The following TSPAN13 variants were observed in gnomAD, a reference collection of about 807,000 sequenced individuals.
TSPAN13 encodes the protein tetraspanin-13.
TSPAN13 carries 18 observed loss-of-function variants against 26.9 expected under a neutral mutation model. That is an observed-to-expected ratio of 0.67 (90% CI 0.46 to 0.99). The LOEUF is 0.99. Among genes scored for constraint, TSPAN13 ranks in the 50% least tolerant of loss-of-function variants. The pLI, the probability that TSPAN13 is intolerant of heterozygous loss-of-function variation, is 0.00. For synonymous variants in TSPAN13, 116 were observed against 98.4 expected (o/e 1.18, Z -1.06); for missense variants, 201 against 249.6 (o/e 0.81, Z 1.31).
intron 1 of TSPAN13, among the ~76,000 whole-genome samples, chr7:16,755,796 A>G (rs1463887539): frequency 1.3e-5 from 2 of 152,128 alleles, no homozygotes; most frequent in Non-Finnish European, 2.9e-5. Flanking sequence ...CTTTCTAGAC[A>G]TCATTTTTAG....
At chr7:16,777,764 A>T (rs903503658) in intron 3 of TSPAN13, 34 bp from the exon 4 acceptor site, 3 of 1,528,608 alleles carry the variant, frequency 2.0e-6, no homozygotes, top group Admixed American at 3.4e-5. Flanking sequence ...TTCTGCAGGG[A>T]TGACACATTT....
chr7:16,783,249 G>A (rs1485652787), intron 5 of TSPAN13, among the ~76,000 whole-genome samples, 168 bp from the exon 6 acceptor site: 3 of 151,916 alleles, frequency 2.0e-5, no homozygotes, highest in Non-Finnish European at 2.9e-5. Context: ...TTTTCTCAGC[G>A]CCCGTCATTT....
chr7:16,779,916 C>T (rs1447379448), intron 5 of TSPAN13, among the ~76,000 whole-genome samples: 5 of 151,462 alleles, frequency 3.3e-5, no homozygotes, highest in East Asian at 1.9e-4. Context: ...GGACTACAGG[C>T]GCCCGCCACC....
rs1784771186 is a variant in TSPAN13, at chr7:16,777,883, G to A, written c.398G>A (p.Ser133Asn). 1.2e-6 allele frequency: 2 copies of A among 1,613,372 alleles called. No individual in the cohort carries two copies. Among genetic ancestry groups the A allele is most frequent in the African/African-American group, 1.3e-5 (1 of 74,906 alleles). Reference sequence around the variant, plus strand: ...AATCTAAACTGCTGTGGGTTCCGAAGTGTTAACCCAAATGACACCTGTCTG... The same window carrying A: ...AATCTAAACTGCTGTGGGTTCCGAAATGTTAACCCAAATGACACCTGTCTG... The part of the protein sequence containing the change: ...QRNLNCCGFR[S>N]VNPNDTCLAS... The change falls in exon 4 of 6, where the codon AGT becomes AAT. Residue 133 changes from serine (S) to asparagine (N), a missense_variant. Ser to Asn is a conservative substitution (Grantham distance 46). Transcript: ENST00000262067.
intron 1 of TSPAN13, among the ~76,000 whole-genome samples, chr7:16,764,108 G>T (rs1460499638): frequency 6.6e-6 from 1 of 151,986 alleles, no homozygotes; most frequent in Non-Finnish European, 1.5e-5. Context: ...ACCTCTGCCT[G>T]TCGGGTTCAA....
intron 4 of TSPAN13, 98 bp downstream of exon 4, chr7:16,778,009 C>T: frequency 1.2e-6 from 1 of 860,230 alleles, no homozygotes; most frequent in Non-Finnish European, 1.8e-6. Context: ...ATTGTATTTT[C>T]AGGATTATTT....
intron 1 of TSPAN13, among the ~76,000 whole-genome samples, chr7:16,769,452 C>T (rs1210694838): frequency 6.6e-6 from 1 of 152,180 alleles, no homozygotes; most frequent in African/African-American, 2.4e-5. Context: ...GGTCTTCTTT[C>T]ATGTTCTTCA....
chr7:16,765,154 G>A (rs1784591778), intron 1 of TSPAN13, among the ~76,000 whole-genome samples: 2 of 152,008 alleles, frequency 1.3e-5, no homozygotes, highest in Non-Finnish European at 2.9e-5. Context: ...CCAGGCTGGA[G>A]TGCAGTGGCA....
intron 4 of TSPAN13, 24 bp from the exon 5 acceptor site, chr7:16,778,979 G>C (rs765042395): frequency 1.3e-6 from 2 of 1,526,562 alleles, no homozygotes; most frequent in African/African-American, 2.8e-5. Flanking sequence ...TGAAATAAAG[G>C]TTTTTTTACT....
At chr7:16,754,213 C>G (rs1268964629) in intron 1 of TSPAN13, among the ~76,000 whole-genome samples, 183 bp downstream of exon 1, 2 of 152,194 alleles carry the variant, frequency 1.3e-5, no homozygotes, top group Admixed American at 6.5e-5. Flanking sequence ...CGGCGCTTGT[C>G]GCAGTCTCTT....
Position 16,753,781 on chromosome 7 carries a change from T to A in TSPAN13, c.-187T>A, listed in dbSNP as rs1216680290. The A allele has an allele frequency of 2.0e-6, 1 of 493,066 alleles. No individual in the cohort carries two copies. Among genetic ancestry groups the A allele is most frequent in the Non-Finnish European group, 3.5e-6 (1 of 287,844 alleles). 30.5% of individuals were successfully genotyped at this position (493,066 alleles called of 1,614,324 possible). On this transcript the variant is annotated 5_prime_UTR_variant, in exon 1 of 6. Transcript: ENST00000262067. ...CGGCTCAGCTGCGGCGGCCGCAGGT[T>A]CCAAAGCGGGTCCGAGCCGCCGCCG...
chr7:16,762,436 G>A (rs1149520), intron 1 of TSPAN13, among the ~76,000 whole-genome samples: 2,230 of 152,242 alleles, frequency 0.015, 62 homozygotes, highest in African/African-American at 0.051. Context: ...GAGGAATGGT[G>A]GCTAATGAAT....
intron 1 of TSPAN13, among the ~76,000 whole-genome samples, chr7:16,774,774 T>C (rs697528): frequency 0.89 from 136,086 of 152,174 alleles, 61,063 homozygotes; most frequent in East Asian, 1. Context: ...CCCACCAAGT[T>C]CATATAACTC....
chr7:16,758,688 G>A (rs1398442711), intron 1 of TSPAN13, among the ~76,000 whole-genome samples: 1 of 151,884 alleles, frequency 6.6e-6, no homozygotes, highest in Non-Finnish European at 1.5e-5. Context: ...TTAAAAAGTA[G>A]TAATATTAAG....
chr7:16,768,423 G>T (rs1784633813), intron 1 of TSPAN13, among the ~76,000 whole-genome samples: 1 of 152,128 alleles, frequency 6.6e-6, no homozygotes, highest in Non-Finnish European at 1.5e-5. Context: ...CCTTGGGCAA[G>T]TTACTTAACA....
chr7:16,762,454 G>A (rs1158940699), intron 1 of TSPAN13, among the ~76,000 whole-genome samples: 1 of 152,086 alleles, frequency 6.6e-6, no homozygotes, highest in Non-Finnish European at 1.5e-5. Context: ...AATAACCTCG[G>A]GCGATAATCC....
chr7:16,754,765 G>T (rs1309120796), intron 1 of TSPAN13, among the ~76,000 whole-genome samples: 1 of 152,096 alleles, frequency 6.6e-6, no homozygotes, highest in Non-Finnish European at 1.5e-5. Flanking sequence ...GGGCCTCTTA[G>T]TTTTAACGCT....
rs759905200 is a variant in TSPAN13, at chr7:16,754,044, GTCC to G, written c.63+15_63+17del. 93 of 1,613,010 alleles carry G rather than the reference GTCC, an allele frequency of 5.8e-5. No homozygotes were observed. Among genetic ancestry groups the G allele is most frequent in the Non-Finnish European group, 7.6e-5 (90 of 1,179,490 alleles). On this transcript the variant is annotated intron_variant, in intron 1 of 5. Transcript: ENST00000262067. ...CTGCTTTACACCGTGAGTATCCCCAGTCCGTTCCTGCTCGCTTGGGGGCTTTGC... is the reference window on the plus strand; with the variant it reads ...CTGCTTTACACCGTGAGTATCCCCAGGTTCCTGCTCGCTTGGGGGCTTTGC...
chr7:16,776,715 T>A (rs1459314933), intron 2 of TSPAN13, among the ~76,000 whole-genome samples: 1 of 152,206 alleles, frequency 6.6e-6, no homozygotes, highest in Non-Finnish European at 1.5e-5. Flanking sequence ...GTGTTTTTTT[T>A]AGACTTAATA....
Sources: allele counts gnomAD v4.1 joint callset (sites outside exome capture counted in the v4.1 genomes callset), GRCh38; gene constraint gnomAD v4.1.1; transcripts MANE v1.5; gene names NCBI Gene and HGNC (gene_info 2026-07-23, HGNC 2026-07-21).